PDGFC: variants seen among roughly 807,000 people sequenced by gnomAD.
PDGFC encodes the protein platelet derived growth factor C, also known as platelet-derived growth factor C.
A neutral mutation model predicts 35.5 loss-of-function variants in PDGFC; 12 were observed. That is an observed-to-expected ratio of 0.34 (90% CI 0.22 to 0.55). The LOEUF is 0.55. Among genes scored for constraint, PDGFC ranks in the 20% least tolerant of loss-of-function variants. The pLI is 0.91. For missense variants in PDGFC, 322 were observed against 412.4 expected (o/e 0.78, Z 1.90); for synonymous variants, 159 against 148.8 (o/e 1.07, Z -0.50).
At chr4:156,857,466 T>C (rs1212095981) in intron 1 of PDGFC, among the ~76,000 whole-genome samples, 1 of 152,096 alleles carries the variant, frequency 6.6e-6, no homozygotes, top group Non-Finnish European at 1.5e-5. Flanking sequence ...TTTGACTTGA[T>C]GCTGTCTTTA....
intron 2 of PDGFC, among the ~76,000 whole-genome samples, chr4:156,812,586 C>T (rs929001591): frequency 3.3e-5 from 5 of 151,656 alleles, no homozygotes; most frequent in Non-Finnish European, 4.4e-5. Context: ...CTACATTTTA[C>T]GTAACATTAA....
intron 1 of PDGFC, among the ~76,000 whole-genome samples, chr4:156,939,467 A>T (rs576139933): frequency 1.6e-4 from 24 of 152,224 alleles, no homozygotes; most frequent in African/African-American, 5.5e-4. Flanking sequence ...AAACCTAAAA[A>T]ACAAAATTAG....
intron 1 of PDGFC, among the ~76,000 whole-genome samples, chr4:156,870,794 C>G (rs916317263): frequency 5.3e-5 from 8 of 152,116 alleles, no homozygotes; most frequent in Non-Finnish European, 1.0e-4. Flanking sequence ...CATGTTCACA[C>G]AGTTTTCCAA....
intron 1 of PDGFC, among the ~76,000 whole-genome samples, chr4:156,887,593 A>G (rs903206720): frequency 3.9e-5 from 6 of 152,216 alleles, no homozygotes; most frequent in Non-Finnish European, 8.8e-5. Flanking sequence ...CCAGGAGAAG[A>G]ATAATGTATA....
intron 4 of PDGFC, among the ~76,000 whole-genome samples, chr4:156,769,642 G>T (rs986139467): frequency 4.0e-5 from 6 of 151,882 alleles, no homozygotes; most frequent in Admixed American, 6.6e-5. Context: ...TCCTGTGAAG[G>T]CAAAGCTTTT....
At chr4:156,783,662 A>T (rs1177289645) in intron 3 of PDGFC, among the ~76,000 whole-genome samples, 2 of 152,122 alleles carry the variant, frequency 1.3e-5, no homozygotes, top group Non-Finnish European at 2.9e-5. Context: ...GCACTACATC[A>T]AATTGAAATT....
chr4:156,815,584 G>C (rs1409785031), intron 2 of PDGFC, among the ~76,000 whole-genome samples: 2 of 152,118 alleles, frequency 1.3e-5, no homozygotes, highest in East Asian at 3.8e-4. Flanking sequence ...AGAGAATGAA[G>C]AGAGAAAACA....
intron 2 of PDGFC, among the ~76,000 whole-genome samples, chr4:156,811,838 T>G (rs1233717991): frequency 1.3e-5 from 2 of 152,002 alleles, no homozygotes; most frequent in Non-Finnish European, 2.9e-5. Flanking sequence ...TTAGGTTGTC[T>G]CAATAATTGG....
rs17814508 is a variant in PDGFC, at chr4:156,807,847, T to C, written c.495+2990A>G. 6.8e-3 allele frequency among the ~76,000 whole-genome samples: 1,035 copies of C among 152,178 alleles called. 15 individuals carry two copies. The highest frequency in any genetic ancestry group is 6.2e-3 in the Admixed American group (94 of 15,254). On this transcript the variant is annotated intron_variant, in intron 3 of 5. Coordinates refer to ENST00000502773, the MANE Select transcript of PDGFC (RefSeq NM_016205.3). ...AAACTCACTTAAAATTTTTTCTGTA[T>C]AGTAATGCATGCAAAATATTCATTG...
At chr4:156,913,164 T>TA (rs1289280528) in intron 1 of PDGFC, among the ~76,000 whole-genome samples, 2 of 152,062 alleles carry the variant, frequency 1.3e-5, no homozygotes, top group South Asian at 2.1e-4. Flanking sequence ...CACTAATACA[T>TA]AAAAAAACTC....
chr4:156,789,559 T>C (rs1001568466), intron 3 of PDGFC, among the ~76,000 whole-genome samples: 1 of 152,186 alleles, frequency 6.6e-6, no homozygotes, highest in Non-Finnish European at 1.5e-5. Context: ...CTAGCACTCA[T>C]CATCTAGCTG....
chr4:156,960,972 G>A (rs973737425), intron 1 of PDGFC, among the ~76,000 whole-genome samples: 1 of 151,980 alleles, frequency 6.6e-6, no homozygotes, highest in African/African-American at 2.4e-5. Context: ...AATTAGAAAC[G>A]AACACTGCAG....
chr4:156,843,428 C>A (rs1327978026), intron 2 of PDGFC, among the ~76,000 whole-genome samples: 2 of 152,200 alleles, frequency 1.3e-5, no homozygotes, highest in African/African-American at 4.8e-5. Flanking sequence ...TGTGCTCCAG[C>A]ACAGATGGGC....
At position 156,763,036 on chromosome 4, in the gene PDGFC, G is replaced by C. The variant is rs935523186; in HGVS notation, c.*54C>G. 1.0e-5 allele frequency: 9 copies of C among 880,230 alleles called. No individual in the cohort carries two copies. The highest frequency in any genetic ancestry group is 1.8e-5 in the Non-Finnish European group (9 of 512,746). 54.5% of individuals were successfully genotyped at this position (880,230 alleles called of 1,614,324 possible). A position where few individuals can be genotyped will look rare whatever the true frequency, so the allele number is the denominator to read the frequency against. The stretch of plus-strand genomic sequence containing the variant: ...GAGATAACGCATACGTTCTCTAATA[G>C]AATCAGCCACTGCACTGCACAGCTC... On this transcript the variant is annotated 3_prime_UTR_variant, in exon 6 of 6. Transcript: ENST00000502773.
intron 1 of PDGFC, among the ~76,000 whole-genome samples, chr4:156,909,532 A>G (rs1395118686): frequency 6.6e-6 from 1 of 152,236 alleles, no homozygotes; most frequent in African/African-American, 2.4e-5. Flanking sequence ...AACTACTACT[A>G]TATTTTCCTG....
At chr4:156,822,553 A>G (rs1292130187) in intron 2 of PDGFC, among the ~76,000 whole-genome samples, 1 of 152,004 alleles carries the variant, frequency 6.6e-6, no homozygotes, top group East Asian at 1.9e-4. Flanking sequence ...TAAACATAAA[A>G]ATCAACATGT....
chr4:156,942,792 G>T (rs1008349490), intron 1 of PDGFC, among the ~76,000 whole-genome samples: 1 of 149,288 alleles, frequency 6.7e-6, no homozygotes, highest in Non-Finnish European at 1.5e-5. Context: ...ATGTATAATT[G>T]CAATATTGTG....
intron 3 of PDGFC, among the ~76,000 whole-genome samples, chr4:156,806,633 A>C (rs1263966242): frequency 6.6e-6 from 1 of 152,034 alleles, no homozygotes; most frequent in Non-Finnish European, 1.5e-5. Flanking sequence ...AGATTTGTAT[A>C]TTTTACTTAA....
At chr4:156,867,479 T>C (rs556084282) in intron 1 of PDGFC, among the ~76,000 whole-genome samples, 1 of 152,312 alleles carries the variant, frequency 6.6e-6, no homozygotes, top group African/African-American at 2.4e-5. Flanking sequence ...ATGGTGGTAA[T>C]GGGTGATGGT....
Sources: gnomAD v4.1 joint callset for allele counts (sites outside exome capture counted in the v4.1 genomes callset) on GRCh38, gnomAD v4.1.1 for gene constraint, MANE v1.5 for transcripts, NCBI Gene and HGNC (gene_info 2026-07-23, HGNC 2026-07-21) for gene names.